Variants in PDE1C observed in about 807,000 individuals in gnomAD.
The protein encoded by PDE1C is dual specificity calcium/calmodulin-dependent 3',5'-cyclic nucleotide phosphodiesterase 1C.
In PDE1C, 62 loss-of-function variants were observed where a neutral mutation model predicts 93.1. That is an observed-to-expected ratio of 0.67 (90% CI 0.54 to 0.82). The LOEUF is 0.82. PDE1C is among the 40% of genes least tolerant of loss of function. PDE1C has a pLI of 0.00. For missense variants in PDE1C, 742 were observed against 884.6 expected (o/e 0.84, Z 2.04); for synonymous variants, 325 against 310.1 (o/e 1.05, Z -0.50).
intron 1 of PDE1C, among the ~76,000 whole-genome samples, chr7:32,223,802 G>C (rs572224793): frequency 6.6e-6 from 1 of 152,076 alleles, no homozygotes; most frequent in African/African-American, 2.4e-5. Flanking sequence ...TGGGTCCTGC[G>C]GGTGCTTGAG....
At chr7:31,636,053 A>C in the PDE1C span, among the ~76,000 whole-genome samples, 1 of 152,168 alleles carries the variant, frequency 6.6e-6, no homozygotes, top group Non-Finnish European at 1.5e-5. Flanking sequence ...AGCAGGAGAG[A>C]GAATGAGAGC....
chr7:32,204,139 C>T (rs1011964174), intron 2 of PDE1C, among the ~76,000 whole-genome samples: 10 of 151,928 alleles, frequency 6.6e-5, no homozygotes, highest in African/African-American at 2.2e-4. Flanking sequence ...AAGTCACTAA[C>T]GTGTAGGTAG....
At chr7:31,652,996 T>C in the PDE1C span, 4 of 1,428,844 alleles carry the variant, frequency 2.8e-6, no homozygotes, top group Non-Finnish European at 3.7e-6. Context: ...AATACTCTAA[T>C]ACTCATTCAG....
At chr7:31,667,314 C>A in the PDE1C span, among the ~76,000 whole-genome samples, 1 of 152,146 alleles carries the variant, frequency 6.6e-6, no homozygotes, top group Admixed American at 6.6e-5. Flanking sequence ...GAGGACTCCA[C>A]CCTGTGGAAT....
At chr7:32,082,700 T>C (rs1584725032) in intron 3 of PDE1C, among the ~76,000 whole-genome samples, 1 of 152,088 alleles carries the variant, frequency 6.6e-6, no homozygotes, top group African/African-American at 2.4e-5. Context: ...TTCACCAAAA[T>C]CCACTGTTCT....
At chr7:31,809,697 G>A (rs1787320044) in intron 15 of PDE1C, among the ~76,000 whole-genome samples, 1 of 152,046 alleles carries the variant, frequency 6.6e-6, no homozygotes, top group Non-Finnish European at 1.5e-5. Context: ...GAGTACTGGA[G>A]CTGGGTATTG....
intron 2 of PDE1C, among the ~76,000 whole-genome samples, chr7:32,191,407 C>G (rs567851542): frequency 6.6e-6 from 1 of 152,056 alleles, no homozygotes; most frequent in Non-Finnish European, 1.5e-5. Context: ...TCTTTTAACC[C>G]CCAACAGTCA....
chr7:31,848,179 C>A, intron 8 of PDE1C, 83 bp from the exon 9 acceptor site: 1 of 1,340,744 alleles, frequency 7.5e-7, no homozygotes, highest in East Asian at 2.3e-5. Context: ...AACGCACCAC[C>A]ACTTTTTTCC....
chr7:32,317,918 TA>T (rs1783208626), intron 1 of PDE1C, among the ~76,000 whole-genome samples: 1 of 152,208 alleles, frequency 6.6e-6, no homozygotes, highest in Non-Finnish European at 1.5e-5. Flanking sequence ...TTATTCATTT[TA>T]ATGCACTTTC....
At chr7:31,777,267 A>G (rs751371905) in intron 16 of PDE1C, among the ~76,000 whole-genome samples, 1 of 152,192 alleles carries the variant, frequency 6.6e-6, no homozygotes, top group Non-Finnish European at 1.5e-5. Context: ...TCCCTACCCC[A>G]GAATCCCTGG....
chr7:31,682,328 A>G, the PDE1C span, among the ~76,000 whole-genome samples: 1 of 152,244 alleles, frequency 6.6e-6, no homozygotes, highest in Non-Finnish European at 1.5e-5. Context: ...ATGAAGAGAC[A>G]TTTTGCAGAA....
At chr7:32,190,981 T>A (rs999403680) in intron 2 of PDE1C, among the ~76,000 whole-genome samples, 1 of 152,090 alleles carries the variant, frequency 6.6e-6, no homozygotes, top group Non-Finnish European at 1.5e-5. Context: ...TGCAAAGGCA[T>A]GGAGAAGTGA....
At chr7:31,985,420 A>G (rs974384040) in intron 2 of PDE1C, among the ~76,000 whole-genome samples, 1 of 152,008 alleles carries the variant, frequency 6.6e-6, no homozygotes, top group African/African-American at 2.4e-5. Context: ...GTTTTTTATT[A>G]TTTATTTATT....
chr7:32,118,522 C>T (rs538405287), intron 3 of PDE1C, among the ~76,000 whole-genome samples: 1 of 152,154 alleles, frequency 6.6e-6, no homozygotes, highest in African/African-American at 2.4e-5. Context: ...CCTGCTGCTA[C>T]AATAGAATTA....
intron 10 of PDE1C, 82 bp downstream of exon 10, chr7:31,837,788 G>C (rs750713622): frequency 3.6e-5 from 30 of 837,284 alleles, no homozygotes; most frequent in Non-Finnish European, 5.6e-5. Flanking sequence ...TAAAGGAGAT[G>C]CTCTTTAAAG....
At chr7:32,210,486 A>G (rs1377591513) in intron 1 of PDE1C, among the ~76,000 whole-genome samples, 5 of 152,230 alleles carry the variant, frequency 3.3e-5, no homozygotes, top group African/African-American at 4.8e-5. Context: ...AAAGGACAAA[A>G]CCAATACAGT....
chr7:31,652,690 C>T, the PDE1C span: 8 of 1,613,780 alleles, frequency 5.0e-6, no homozygotes, highest in Admixed American at 1.7e-5. Flanking sequence ...TCAGGTGGGA[C>T]CCAGTTGGCT....
chr7:32,141,990 T>C (rs1185010256), intron 3 of PDE1C, among the ~76,000 whole-genome samples: 6 of 152,170 alleles, frequency 3.9e-5, no homozygotes. Flanking sequence ...GCTGGCCTTT[T>C]TTTAGTTTGT....
intron 2 of PDE1C, among the ~76,000 whole-genome samples, chr7:31,997,017 T>C (rs2128549471): frequency 1.3e-5 from 2 of 152,292 alleles, no homozygotes; most frequent in East Asian, 3.9e-4. Context: ...CACAGAAAGA[T>C]AGGTCTCTCT....
Sources: gnomAD v4.1 joint callset for allele counts (sites outside exome capture counted in the v4.1 genomes callset) on GRCh38, gnomAD v4.1.1 for gene constraint, MANE v1.5 for transcripts, NCBI Gene and HGNC (gene_info 2026-07-23, HGNC 2026-07-21) for gene names.